The following P2RY8 variants were observed in gnomAD, a reference collection of about 807,000 sequenced individuals.
P2RY8 encodes S-geranylgeranyl-glutathione receptor P2RY8.
Under a neutral mutation model 10.0 loss-of-function variants are expected in P2RY8, and 6 were observed. The ratio of observed to expected loss-of-function variants is 0.60; its 90% CI spans 0.33 to 1.19. The LOEUF (loss-of-function observed/expected upper bound fraction) is 1.19. Ranked by LOEUF, P2RY8 falls within the 50% of genes most tolerant of loss-of-function variation. The pLI is 0.04. For synonymous variants in P2RY8, 276 were observed against 252.5 expected (o/e 1.09, Z -0.88); for missense variants, 456 against 542.0 (o/e 0.84, Z 1.58).
Position 1,465,689 on chromosome X carries a change from C to G in P2RY8, c.870G>C (p.Pro290=), listed in dbSNP as rs779537821. ...CCCGGGACGCAAAGTAATAAACAAA[C>G]GGGTCCAGACAGTTGTTGAGGCAGC... The part of the protein sequence containing the change: ...CLSCLNNCLD[P]FVYYFASREF... The change falls in exon 2 of 2, where the codon CCG becomes CCC. Residue 290 remains proline, a synonymous_variant. Transcript: ENST00000381297. 31 of 1,613,596 alleles carry G rather than the reference C, an allele frequency of 1.9e-5. No homozygotes were observed. The highest frequency in any genetic ancestry group is 3.3e-5 in the Admixed American group (2 of 60,004).
intron 1 of P2RY8, among the ~76,000 whole-genome samples, chrX:1,533,635 T>C (rs770210901): frequency 8.0e-6 from 1 of 124,406 alleles, no homozygotes; most frequent in African/African-American, 3.2e-5. Context: ...TATTATTATT[T>C]ACATATTTAT....
intron 1 of P2RY8, among the ~76,000 whole-genome samples, chrX:1,529,100 A>G (rs2092457654): frequency 6.6e-6 from 1 of 152,178 alleles, no homozygotes; most frequent in Admixed American, 6.5e-5. Flanking sequence ...TAACACGTAC[A>G]CACAGCGGGG....
intron 1 of P2RY8, among the ~76,000 whole-genome samples, chrX:1,496,406 A>G (rs2092117135): frequency 6.6e-6 from 1 of 152,314 alleles, no homozygotes; most frequent in East Asian, 1.9e-4. Flanking sequence ...GAAGGCTCAC[A>G]GCCACAGCCA....
In P2RY8 at chrX:1,523,745, C is replaced by T. The variant is rs769803633; in HGVS notation, c.-25+13176G>A. 2.0e-4 allele frequency among the ~76,000 whole-genome samples: 31 copies of T among 152,276 alleles called. No individual in the cohort carries two copies. In the South Asian group the frequency reaches 5.2e-3, roughly 25 times the overall value. On this transcript the variant is annotated intron_variant, in intron 1 of 1. Coordinates refer to ENST00000381297, the MANE Select transcript of P2RY8 (RefSeq NM_178129.5). ...TCGTCCAGCCTGGAGTGCAGTGGCA[C>T]GATCTGTGTTCATCACAACTTCCGC...
At chrX:1,519,845 C>G (rs1403756579) in intron 1 of P2RY8, among the ~76,000 whole-genome samples, 1 of 151,174 alleles carries the variant, frequency 6.6e-6, no homozygotes, top group Non-Finnish European at 1.5e-5. Context: ...TAATAATCTC[C>G]CTGATCCCCA....
chrX:1,471,731 T>C (rs1157788173), intron 1 of P2RY8, among the ~76,000 whole-genome samples: 1 of 152,120 alleles, frequency 6.6e-6, no homozygotes, highest in African/African-American at 2.4e-5. Context: ...CGGGTGGACC[T>C]TACAGGGTTG....
At position 1,532,323 on chromosome X, in the gene P2RY8, CGT is replaced by C. The variant is rs1569538925; in HGVS notation, c.-25+4596_-25+4597del. Reference sequence around the variant, plus strand: ...TATGTGTGCCATATATATACACACACGTATATATACACATATATGTATATGAT... The same window carrying C: ...TATGTGTGCCATATATATACACACACATATATACACATATATGTATATGAT... On this transcript the variant is annotated intron_variant, in intron 1 of 1. Transcript: ENST00000381297. 5.0e-4 allele frequency among the ~76,000 whole-genome samples: 72 copies of C among 145,414 alleles called. 2 individuals are homozygous for C. Among genetic ancestry groups the C allele is most frequent in the East Asian group, 7.8e-4 (4 of 5,108 alleles).
chrX:1,467,630 T>A (rs2091707157), intron 1 of P2RY8, among the ~76,000 whole-genome samples: 1 of 152,218 alleles, frequency 6.6e-6, no homozygotes, highest in Non-Finnish European at 1.5e-5. Flanking sequence ...ATTTTGAGAA[T>A]GTAAAGTGGA....
At chrX:1,510,271 G>C (rs1313442832) in intron 1 of P2RY8, among the ~76,000 whole-genome samples, 1 of 152,132 alleles carries the variant, frequency 6.6e-6, no homozygotes, top group African/African-American at 2.4e-5. Flanking sequence ...ACCTGGCTTA[G>C]AGCGTGATGG....
In P2RY8 at chrX:1,463,035, G is replaced by A. The variant is rs568676971; in HGVS notation, c.*2444C>T. On this transcript the variant is annotated 3_prime_UTR_variant, in exon 2 of 2. Coordinates refer to ENST00000381297, the MANE Select transcript of P2RY8 (RefSeq NM_178129.5). ...GCAACGTCTTCCTTTGCTGGGGGACGTCAGGGTTCTCGCACGTTGTCGAGG... is the reference window on the plus strand; with the variant it reads ...GCAACGTCTTCCTTTGCTGGGGGACATCAGGGTTCTCGCACGTTGTCGAGG... 178 of 232,960 alleles carry A rather than the reference G, an allele frequency of 7.6e-4. 2 individuals are homozygous for A. The South Asian group carries it at 0.013, about 16-fold the overall frequency. 14.4% of individuals were successfully genotyped at this position (232,960 alleles called of 1,614,324 possible). A position where few individuals can be genotyped will look rare whatever the true frequency, so the allele number is the denominator to read the frequency against.
chrX:1,526,552 CA>C (rs2092441636), intron 1 of P2RY8, among the ~76,000 whole-genome samples: 1 of 151,914 alleles, frequency 6.6e-6, no homozygotes, highest in African/African-American at 2.4e-5. Context: ...CTCATCCATC[CA>C]AAACTCACTC....
chrX:1,471,879 G>T (rs1486805739), intron 1 of P2RY8, among the ~76,000 whole-genome samples: 2 of 152,264 alleles, frequency 1.3e-5, no homozygotes, highest in East Asian at 3.9e-4. Flanking sequence ...CCCAGCTGTT[G>T]AACACACAGG....
chrX:1,503,256 A>G (rs1426978372), intron 1 of P2RY8, among the ~76,000 whole-genome samples: 1 of 152,210 alleles, frequency 6.6e-6, no homozygotes, highest in Non-Finnish European at 1.5e-5. Flanking sequence ...CGGACCTGAG[A>G]CATTTTGATC....
At chrX:1,471,465 A>T (rs1445822067) in intron 1 of P2RY8, among the ~76,000 whole-genome samples, 176 of 136,162 alleles carry the variant, frequency 1.3e-3, no homozygotes, top group Non-Finnish European at 1.3e-3. Context: ...CACCCAGCCC[A>T]TTTTTTTTTT....
At chrX:1,513,509 CCA>C (rs2092315800) in intron 1 of P2RY8, among the ~76,000 whole-genome samples, 3 of 150,266 alleles carry the variant, frequency 2.0e-5, no homozygotes, top group Non-Finnish European at 4.4e-5. Flanking sequence ...GCCTCTGTCT[CCA>C]CGTGGCCTTC....
chrX:1,505,007 A>G (rs28706617), intron 1 of P2RY8, among the ~76,000 whole-genome samples: 78,955 of 151,158 alleles, frequency 0.52, 21,262 homozygotes, highest in African/African-American at 0.63. Context: ...GCGTGGTGGC[A>G]GGCGCCTGTA....
Position 1,532,450 on chromosome X carries a change from TGTGTATATATACACATATATGTATAG to T in P2RY8, c.-25+4445_-25+4470del, listed in dbSNP as rs1363159892. Among the ~76,000 whole-genome samples the T allele has an allele frequency of 2.9e-4, 19 of 66,490 alleles. 1 individual carries two copies. The East Asian group carries it at 7.4e-3, about 26-fold the overall frequency. The allele number at this position is 66,490 out of a possible 152,430, so 43.6% of individuals were successfully genotyped here. A position where few individuals can be genotyped will look rare whatever the true frequency, so the allele number is the denominator to read the frequency against. ...ATACACATATATGTATATATGTATA[TGTGTATATATACACATATATGTATAG>T]ATGTATATGTGTATATATACACATA... is the stretch of plus-strand genomic sequence containing the variant. On this transcript the variant is annotated intron_variant, in intron 1 of 1. Transcript: ENST00000381297.
chrX:1,509,703 TC>T (rs1231128545), intron 1 of P2RY8, among the ~76,000 whole-genome samples: 30 of 120,696 alleles, frequency 2.5e-4, no homozygotes, highest in East Asian at 4.5e-4. Context: ...CATCCATCCA[TC>T]CATTTATTCT....
At chrX:1,481,171 A>ATT (rs112989794) in intron 1 of P2RY8, among the ~76,000 whole-genome samples, 152 of 148,458 alleles carry the variant, frequency 1.0e-3, no homozygotes, top group Middle Eastern at 3.5e-3. Flanking sequence ...CACGCAATAC[A>ATT]TTTTTTTTTT....
Sources: gnomAD v4.1 joint callset for allele counts (sites outside exome capture counted in the v4.1 genomes callset) on GRCh38, gnomAD v4.1.1 for gene constraint, MANE v1.5 for transcripts, NCBI Gene and HGNC (gene_info 2026-07-23, HGNC 2026-07-21) for gene names.